Variants in LUZP2 observed in about 807,000 individuals in gnomAD.
LUZP2 encodes the protein leucine zipper protein 2.
In LUZP2, 52 loss-of-function variants were observed where a neutral mutation model predicts 51.6. That is an observed-to-expected ratio of 1.01 (90% CI 0.81 to 1.27). The LOEUF is 1.27. Ranked by LOEUF, LUZP2 falls within the 50% of genes most tolerant of loss-of-function variation. The pLI, the probability that LUZP2 is intolerant of heterozygous loss-of-function variation, is 0.00. For synonymous variants in LUZP2, 154 were observed against 137.3 expected, an observed-to-expected ratio of 1.12 and a Z score of -0.85; for missense variants, 436 against 395.4, an observed-to-expected ratio of 1.10 and a Z score of -0.87.
intron 1 of LUZP2, among the ~76,000 whole-genome samples, chr11:24,520,011 C>A (rs1489915783): frequency 6.6e-6 from 1 of 152,074 alleles, no homozygotes; most frequent in African/African-American, 2.4e-5. Context: ...TCTTTTATTT[C>A]ATTAGTTGCC....
intron 10 of LUZP2, among the ~76,000 whole-genome samples, chr11:25,064,571 A>G (rs1005751006): frequency 2.0e-5 from 3 of 152,048 alleles, no homozygotes; most frequent in African/African-American, 7.2e-5. Context: ...TAGCATACCT[A>G]CTCTATTTCA....
intron 7 of LUZP2, among the ~76,000 whole-genome samples, chr11:24,918,751 T>A (rs2133809407): frequency 6.6e-6 from 1 of 150,700 alleles, no homozygotes; most frequent in East Asian, 1.9e-4. Flanking sequence ...AACAATATTT[T>A]AACATATTTT....
intron 7 of LUZP2, among the ~76,000 whole-genome samples, chr11:24,942,476 G>T (rs965673255): frequency 6.6e-6 from 1 of 152,056 alleles, no homozygotes; most frequent in African/African-American, 2.4e-5. Context: ...CTTTTCATGT[G>T]CCTAGTTTTC....
chr11:24,523,887 G>T (rs145327459), intron 1 of LUZP2, among the ~76,000 whole-genome samples: 23 of 151,748 alleles, frequency 1.5e-4, no homozygotes, highest in Non-Finnish European at 3.0e-4. Context: ...TTTAAGTAAA[G>T]AAAAAATAAG....
chr11:24,842,794 A>G (rs1296881504), intron 5 of LUZP2, among the ~76,000 whole-genome samples: 1 of 151,960 alleles, frequency 6.6e-6, no homozygotes, highest in Non-Finnish European at 1.5e-5. Flanking sequence ...ATAACAATTC[A>G]GTGGAAAAGT....
chr11:25,074,972 A>G (rs910679809), intron 10 of LUZP2, among the ~76,000 whole-genome samples: 1 of 152,206 alleles, frequency 6.6e-6, no homozygotes, highest in African/African-American at 2.4e-5. Flanking sequence ...GCATTTTGGG[A>G]AATCCTACAC....
chr11:24,933,306 G>C (rs774503476), intron 7 of LUZP2, among the ~76,000 whole-genome samples: 1 of 152,086 alleles, frequency 6.6e-6, no homozygotes, highest in Non-Finnish European at 1.5e-5. Flanking sequence ...AGCTCTGTTC[G>C]TCTGAGTGGG....
intron 1 of LUZP2, among the ~76,000 whole-genome samples, chr11:24,659,285 G>A (rs1370008099): frequency 2.0e-5 from 3 of 152,100 alleles, no homozygotes; most frequent in African/African-American, 7.2e-5. Flanking sequence ...CATGGATGAA[G>A]CTGGAAACCA....
intron 1 of LUZP2, among the ~76,000 whole-genome samples, chr11:24,602,002 A>ATCTGTATATATGTG (rs1274594718): frequency 2.6e-5 from 2 of 78,034 alleles, no homozygotes; most frequent in Non-Finnish European, 5.6e-5. Context: ...ATATATGTAT[A>ATCTGTATATATGTG]TATATGTATA....
At chr11:24,944,997 G>A (rs1854860511) in intron 7 of LUZP2, among the ~76,000 whole-genome samples, 1 of 152,170 alleles carries the variant, frequency 6.6e-6, no homozygotes, top group Admixed American at 6.5e-5. Flanking sequence ...AGACACTGAG[G>A]TAGAGTAGTG....
intron 1 of LUZP2, among the ~76,000 whole-genome samples, chr11:24,535,511 G>A (rs1851149215): frequency 6.6e-6 from 1 of 151,496 alleles, no homozygotes; most frequent in African/African-American, 2.4e-5. Context: ...TTTACCAGGA[G>A]TAGATTCCAT....
intron 3 of LUZP2, 56 bp from the exon 4 acceptor site, chr11:24,738,165 G>A: frequency 8.1e-7 from 1 of 1,230,750 alleles, no homozygotes; most frequent in Non-Finnish European, 1.2e-6. Context: ...AATGTTCATA[G>A]GAAATAATGG....
chr11:24,674,981 G>A (rs1243721603), intron 1 of LUZP2, among the ~76,000 whole-genome samples: 1 of 152,174 alleles, frequency 6.6e-6, no homozygotes, highest in African/African-American at 2.4e-5. Context: ...AATGTTGTTT[G>A]TGTAGCACAT....
chr11:25,055,183 G>C (rs1484898513), intron 10 of LUZP2, among the ~76,000 whole-genome samples: 1 of 150,638 alleles, frequency 6.6e-6, no homozygotes, highest in Non-Finnish European at 1.5e-5. Flanking sequence ...GCTAATTTTT[G>C]TATTTTTAGT....
intron 9 of LUZP2, among the ~76,000 whole-genome samples, chr11:25,043,062 G>A (rs1173071143): frequency 3.9e-5 from 6 of 152,104 alleles, no homozygotes; most frequent in African/African-American, 1.4e-4. Context: ...GTTCTAAGAT[G>A]GCCATCTGCA....
chr11:24,518,732 A>G (rs12418590), intron 1 of LUZP2, among the ~76,000 whole-genome samples: 12,807 of 152,272 alleles, frequency 0.084, 534 homozygotes, highest in East Asian at 0.1. Flanking sequence ...ATTCTCTGAA[A>G]AAGAATTTGG....
At chr11:25,057,116 A>T (rs201572899) in intron 10 of LUZP2, among the ~76,000 whole-genome samples, 1 of 152,082 alleles carries the variant, frequency 6.6e-6, no homozygotes, top group South Asian at 2.1e-4. Flanking sequence ...TGATTATTAT[A>T]TAAATATATA....
chr11:24,728,285 C>T (rs1211980851), intron 1 of LUZP2, among the ~76,000 whole-genome samples: 6 of 151,160 alleles, frequency 4.0e-5, no homozygotes, highest in Non-Finnish European at 7.4e-5. Context: ...ACACTTATTC[C>T]ACAACATACA....
At chr11:24,937,959 C>T (rs1854638132) in intron 7 of LUZP2, among the ~76,000 whole-genome samples, 1 of 151,764 alleles carries the variant, frequency 6.6e-6, no homozygotes, top group African/African-American at 2.4e-5. Context: ...AACTCAGGAC[C>T]TCATACTTTC....
Sources: allele counts gnomAD v4.1 joint callset (sites outside exome capture counted in the v4.1 genomes callset), GRCh38; gene constraint gnomAD v4.1.1; transcripts MANE v1.5; gene names NCBI Gene and HGNC (gene_info 2026-07-23, HGNC 2026-07-21).